The following CNTN1 variants were observed in gnomAD, a reference collection of about 807,000 sequenced individuals.
CNTN1 encodes contactin-1.
Under a neutral mutation model 126.4 loss-of-function variants are expected in CNTN1, and 38 were observed. The ratio of observed to expected loss-of-function variants is 0.30; its 90% CI spans 0.23 to 0.39. CNTN1 has a LOEUF of 0.39. Ranked by LOEUF, CNTN1 falls within the 10% of genes least tolerant of loss-of-function variation. CNTN1 has a pLI of 1.00. For missense variants in CNTN1, 1,009 were observed against 1,248.4 expected (o/e 0.81, Z 2.89); for synonymous variants, 413 against 422.6 (o/e 0.98, Z 0.28).
chr12:40,775,153 A>G (rs1939528442), intron 1 of CNTN1, among the ~76,000 whole-genome samples: 1 of 93,396 alleles, frequency 1.1e-5, no homozygotes, highest in Non-Finnish European at 2.7e-5. Context: ...TGTTCTTTCT[A>G]ATGTTTAATA....
At chr12:40,782,778 T>C (rs551318020) in intron 1 of CNTN1, among the ~76,000 whole-genome samples, 79 of 152,118 alleles carry the variant, frequency 5.2e-4, no homozygotes, top group Non-Finnish European at 9.4e-4. Flanking sequence ...TATAATATCA[T>C]AGTTGAGTGA....
intron 15 of CNTN1, among the ~76,000 whole-genome samples, chr12:40,980,625 G>A (rs1487338964): frequency 6.6e-6 from 1 of 152,076 alleles, no homozygotes; most frequent in Non-Finnish European, 1.5e-5. Flanking sequence ...TCCCCTTGGT[G>A]CCAATTGCAT....
At chr12:40,775,135 C>T (rs1290302294) in intron 1 of CNTN1, among the ~76,000 whole-genome samples, 1 of 145,772 alleles carries the variant, frequency 6.9e-6, no homozygotes, top group African/African-American at 2.5e-5. Context: ...TAACCATCCC[C>T]TCTTTATTGT....
At chr12:40,913,771 A>G (rs1945134166) in intron 3 of CNTN1, among the ~76,000 whole-genome samples, 1 of 152,224 alleles carries the variant, frequency 6.6e-6, no homozygotes, top group South Asian at 2.1e-4. Flanking sequence ...GGCGAAAGTG[A>G]GAATGAAAGA....
intron 23 of CNTN1, among the ~76,000 whole-genome samples, chr12:41,057,250 A>G (rs1190286172): frequency 6.8e-6 from 1 of 146,922 alleles, no homozygotes; most frequent in African/African-American, 2.5e-5. Context: ...GATATTATTT[A>G]TAAATATTTA....
intron 1 of CNTN1, among the ~76,000 whole-genome samples, chr12:40,794,987 A>G (rs932317978): frequency 2.0e-5 from 3 of 152,094 alleles, no homozygotes; most frequent in Non-Finnish European, 4.4e-5. Context: ...AGGTATTGTT[A>G]TTATGGTATT....
chr12:41,051,249 G>A (rs554269307), intron 23 of CNTN1, among the ~76,000 whole-genome samples: 4 of 147,748 alleles, frequency 2.7e-5, no homozygotes, highest in East Asian at 2.0e-4. Context: ...CCAGGTTCAC[G>A]CCATTCTCCT....
intron 15 of CNTN1, among the ~76,000 whole-genome samples, chr12:40,976,448 G>C (rs1337909616): frequency 6.6e-6 from 1 of 151,624 alleles, no homozygotes; most frequent in Non-Finnish European, 1.5e-5. Flanking sequence ...TAAAGTAATA[G>C]TGAAATAAGC....
intron 1 of CNTN1, among the ~76,000 whole-genome samples, chr12:40,879,305 G>A (rs1943793226): frequency 6.6e-6 from 1 of 152,066 alleles, no homozygotes. Flanking sequence ...TTCTCCAAAG[G>A]ATTTTCCAAT....
intron 1 of CNTN1, among the ~76,000 whole-genome samples, chr12:40,842,488 C>T (rs1942322919): frequency 1.3e-5 from 2 of 152,138 alleles, no homozygotes; most frequent in Admixed American, 6.5e-5. Flanking sequence ...TGTATATAGG[C>T]ATCAAATTAT....
At chr12:41,026,251 G>A (rs73118907) in intron 21 of CNTN1, among the ~76,000 whole-genome samples, 1,698 of 152,234 alleles carry the variant, frequency 0.011, 29 homozygotes, top group African/African-American at 0.038. Context: ...TTGATGGTGA[G>A]GATACAAAAG....
At chr12:40,930,143 CCAAAGG>C in intron 7 of CNTN1, 141 bp downstream of exon 7, 1 of 749,506 alleles carries the variant, frequency 1.3e-6, no homozygotes, top group East Asian at 2.6e-5. Context: ...GTTGAAGGGG[CCAAAGG>C]CTTGGTCCTA....
intron 16 of CNTN1, among the ~76,000 whole-genome samples, chr12:40,989,077 G>A (rs927939701): frequency 5.9e-5 from 9 of 152,248 alleles, no homozygotes; most frequent in Admixed American, 4.6e-4. Context: ...AAGTCTCTCC[G>A]TTCCTGTTTC....
intron 1 of CNTN1, among the ~76,000 whole-genome samples, chr12:40,758,563 C>T (rs1215830633): frequency 2.6e-5 from 4 of 152,082 alleles, no homozygotes; most frequent in African/African-American, 9.7e-5. Context: ...TAATATTTTG[C>T]ATCCCAGCAA....
intron 1 of CNTN1, among the ~76,000 whole-genome samples, chr12:40,704,688 A>G (rs1941693386): frequency 6.6e-6 from 1 of 152,202 alleles, no homozygotes; most frequent in Non-Finnish European, 1.5e-5. Context: ...GGGGTATAAG[A>G]AATAGTCATT....
At chr12:40,853,497 A>C (rs1019078361) in intron 1 of CNTN1, among the ~76,000 whole-genome samples, 3 of 152,138 alleles carry the variant, frequency 2.0e-5, no homozygotes, top group African/African-American at 4.8e-5. Flanking sequence ...TGTGACATCA[A>C]AACTGTTTCC....
chr12:41,025,328 A>G lies in CNTN1; in HGVS notation c.2702A>G (p.Lys901Arg), dbSNP rs1405639667. 1 of 1,613,190 alleles carries G rather than the reference A, an allele frequency of 6.2e-7. No individual in the cohort carries two copies. The highest frequency in any genetic ancestry group is 1.1e-5 in the South Asian group (1 of 91,066). ...AGTGACATGATTGAGGCTTTCACCA[A>G]GAAAGCACGTGAGTCTCACGTTTTG... ...PPSDMIEAFT[K>R]KAPPSQPPRI... is the part of the protein sequence containing the mutation. The change falls in exon 21 of 24, where the codon AAG becomes AGG. Residue 901 changes from lysine to arginine, a missense_variant. Physicochemically the swap from Lys to Arg is conservative, Grantham distance 26. Transcript: ENST00000551295.
chr12:40,989,308 A>G (rs1345609645), intron 16 of CNTN1, among the ~76,000 whole-genome samples: 1 of 152,226 alleles, frequency 6.6e-6, no homozygotes, highest in African/African-American at 2.4e-5. Flanking sequence ...AGGGCTCACA[A>G]TAAAACATAT....
intron 15 of CNTN1, among the ~76,000 whole-genome samples, chr12:40,964,489 G>T (rs564602871): frequency 6.6e-6 from 1 of 151,274 alleles, no homozygotes; most frequent in African/African-American, 2.4e-5. Context: ...TTAACCTTAC[G>T]TGGACTTGTA....
Sources: allele counts gnomAD v4.1 joint callset (sites outside exome capture counted in the v4.1 genomes callset), GRCh38; gene constraint gnomAD v4.1.1; transcripts MANE v1.5; gene names NCBI Gene and HGNC (gene_info 2026-07-23, HGNC 2026-07-21).